PHF10: variants seen among roughly 807,000 people sequenced by gnomAD.
The protein encoded by PHF10 is BRG1-associated factor 45a.
PHF10 carries 51 observed loss-of-function variants against 68.5 expected under a neutral mutation model. The observed-to-expected ratio is 0.74, with a 90% CI of 0.59 to 0.94. The LOEUF (loss-of-function observed/expected upper bound fraction) is 0.94. Among genes scored for constraint, PHF10 ranks in the 40% least tolerant of loss-of-function variants. PHF10 has a pLI of 0.00. For synonymous variants in PHF10, 204 were observed against 203.5 expected (o/e 1.00, Z -0.02); for missense variants, 460 against 602.6 (o/e 0.76, Z 2.48).
intron 9 of PHF10, chr6:169,707,524 G>A (rs538187477): frequency 1.9e-4 from 29 of 152,154 alleles, no homozygotes; most frequent in African/African-American, 6.8e-4. Context: ...GTTAGATACT[G>A]GCATAGTAAA....
chr6:169,705,767 T>C (rs1262801246), intron 9 of PHF10, 43 bp from the exon 10 acceptor site: 5 of 939,310 alleles, frequency 5.3e-6, no homozygotes, highest in Non-Finnish European at 8.8e-6. Context: ...CCAGAAGAGC[T>C]TACTATGGGT....
intron 1 of PHF10, among the ~76,000 whole-genome samples, 195 bp downstream of exon 1, chr6:169,723,650 G>A (rs1035301338): frequency 6.6e-6 from 1 of 151,828 alleles, no homozygotes; most frequent in East Asian, 2.0e-4. Context: ...CCGCCCGCCC[G>A]CACTTGTTGC....
At chr6:169,714,684 A>C (rs1355346568) in intron 7 of PHF10, 49 bp downstream of exon 7, 1 of 931,080 alleles carries the variant, frequency 1.1e-6, no homozygotes, top group Non-Finnish European at 1.8e-6. Flanking sequence ...AAGGCTCTGA[A>C]ACCCCTTACC....
At chr6:169,720,015 G>C (rs1409679914) in intron 2 of PHF10, among the ~76,000 whole-genome samples, 1 of 151,696 alleles carries the variant, frequency 6.6e-6, no homozygotes, top group African/African-American at 2.4e-5. Context: ...AACTTGAATA[G>C]ACATGTCTCC....
chr6:169,716,300 T>G (rs542227563), intron 4 of PHF10, among the ~76,000 whole-genome samples: 3 of 151,988 alleles, frequency 2.0e-5, no homozygotes, highest in Admixed American at 6.6e-5. Context: ...AAAAGGCAAA[T>G]ATATCAATTT....
chr6:169,723,162 C>A (rs1789222449), intron 1 of PHF10, among the ~76,000 whole-genome samples: 1 of 152,210 alleles, frequency 6.6e-6, no homozygotes, highest in South Asian at 2.1e-4. Context: ...TAATTTCAAT[C>A]CAATTTCAAG....
intron 9 of PHF10, chr6:169,706,904 CGTT>C (rs1363821996): frequency 1.3e-5 from 2 of 152,126 alleles, no homozygotes; most frequent in Non-Finnish European, 2.9e-5. Flanking sequence ...AAAACTCAAA[CGTT>C]GTATATATTC....
chr6:169,706,577 A>G (rs1195320184), intron 9 of PHF10, among the ~76,000 whole-genome samples: 1 of 152,164 alleles, frequency 6.6e-6, no homozygotes, highest in Non-Finnish European at 1.5e-5. Flanking sequence ...TAAAATTACC[A>G]GGGGAGGGAG....
rs916085447 is a variant in PHF10 at position 169,704,018 on chromosome 6, G to C, written c.1482C>G (p.Asn494Lys). Reference sequence around the variant, plus strand: ...AAAAACTATTTTATCCCTCTTTGCTGTTTTTCCCCCTTCTGCCCACTTTCC... The same window carrying C: ...AAAAACTATTTTATCCCTCTTTGCTCTTTTTCCCCCTTCTGCCCACTTTCC... ...TPRKVGRRGK[N>K]SKEG Residue 494 changes from asparagine (N) to lysine (K), a missense_variant, in exon 12 of 12, where the codon AAC becomes AAG. By Grantham distance (94) the Asn-to-Lys change is moderately conservative. Coordinates refer to ENST00000339209, the MANE Select transcript of PHF10 (RefSeq NM_018288.4). 1 of 1,601,094 alleles carries C rather than the reference G, an allele frequency of 6.2e-7. No homozygotes were observed. Among genetic ancestry groups the C allele is most frequent in the Non-Finnish European group, 8.5e-7 (1 of 1,175,840 alleles).
At position 169,724,334 on chromosome 6, in the gene PHF10, C is replaced by A. The variant is rs1411812087; in HGVS notation, c.-403G>T. Among the ~76,000 whole-genome samples, 1 of 144,484 alleles carries A rather than the reference C, an allele frequency of 6.9e-6. No individual in the cohort carries two copies. Among genetic ancestry groups the A allele is most frequent in the Non-Finnish European group, 1.5e-5 (1 of 64,926 alleles). 94.8% of individuals were successfully genotyped at this position (144,484 alleles called of 152,430 possible). ...CCGCCGCGACTCCCTTCAGCCCCGC[C>A]ACTCGCTCGCCTCAGCCCCGCCGCT... On this transcript the variant is annotated 5_prime_UTR_variant, in exon 1 of 12. Transcript: ENST00000339209.
intron 7 of PHF10, among the ~76,000 whole-genome samples, chr6:169,713,625 A>G (rs991397777): frequency 1.3e-5 from 2 of 152,222 alleles, no homozygotes; most frequent in East Asian, 1.9e-4. Context: ...AATTTGAAGA[A>G]AAACTTTTAA....
At chr6:169,723,155 T>C (rs1039242962) in intron 1 of PHF10, among the ~76,000 whole-genome samples, 2 of 152,186 alleles carry the variant, frequency 1.3e-5, no homozygotes, top group Non-Finnish European at 2.9e-5. Flanking sequence ...CGCCTTCTAA[T>C]TTCAATCCAA....
At chr6:169,716,238 A>G (rs1288873396) in intron 4 of PHF10, 150 bp from the exon 5 acceptor site, 9 of 465,364 alleles carry the variant, frequency 1.9e-5, no homozygotes, top group Non-Finnish European at 3.4e-5. Context: ...TTTGAAAATA[A>G]TTAAACTTAA....
chr6:169,713,357 G>A lies in PHF10; in HGVS notation c.804-818C>T, dbSNP rs1400192316. ...CTCACGCCTATAATCCCAGCATTTC[G>A]GGAGGCCAAGGTGGGCAGATCACCT... On this transcript the variant is annotated intron_variant, in intron 7 of 11. Coordinates refer to ENST00000339209, the MANE Select transcript of PHF10 (RefSeq NM_018288.4). 2.6e-5 allele frequency among the ~76,000 whole-genome samples: 4 copies of A among 152,084 alleles called. No homozygotes were observed. In the East Asian group the frequency reaches 7.7e-4, roughly 29 times the overall value.
At chr6:169,710,695 C>T (rs369801658) in intron 8 of PHF10, among the ~76,000 whole-genome samples, 1 of 152,136 alleles carries the variant, frequency 6.6e-6, no homozygotes, top group African/African-American at 2.4e-5. Context: ...TATTACGGCA[C>T]ACAGCTTCAA....
chr6:169,705,466 A>G, intron 10 of PHF10, 145 bp from the exon 11 acceptor site: 1 of 714,758 alleles, frequency 1.4e-6, no homozygotes, highest in Middle Eastern at 4.0e-4. Context: ...ATGTAGAGGA[A>G]AACACATGGG....
intron 6 of PHF10, 93 bp downstream of exon 6, chr6:169,715,615 G>C: frequency 9.6e-7 from 1 of 1,047,068 alleles, no homozygotes; most frequent in Non-Finnish European, 1.4e-6. Context: ...ACACATAGGT[G>C]GTACAAAAAA....
intron 1 of PHF10, among the ~76,000 whole-genome samples, chr6:169,723,077 C>G (rs917882572): frequency 6.6e-6 from 1 of 152,210 alleles, no homozygotes; most frequent in African/African-American, 2.4e-5. Flanking sequence ...GCTTCCCCTG[C>G]CAACGCGCAC....
intron 7 of PHF10, among the ~76,000 whole-genome samples, chr6:169,712,853 A>C (rs986686309): frequency 6.6e-6 from 1 of 152,112 alleles, no homozygotes; most frequent in Admixed American, 6.5e-5. Flanking sequence ...GCTCACATCC[A>C]CCTCGACCAC....
Sources: allele counts gnomAD v4.1 joint callset (sites outside exome capture counted in the v4.1 genomes callset), GRCh38; gene constraint gnomAD v4.1.1; transcripts MANE v1.5; gene names NCBI Gene and HGNC (gene_info 2026-07-23, HGNC 2026-07-21).